The following NEO1 variants were observed in gnomAD, a reference collection of about 807,000 sequenced individuals.
NEO1 encodes neogenin.
In NEO1, 63 loss-of-function variants were observed where a neutral mutation model predicts 159.7. The observed-to-expected ratio is 0.39, with a 90% CI of 0.32 to 0.49. The LOEUF is 0.49. NEO1 is among the 20% of genes least tolerant of loss of function. The pLI is 0.85. For missense variants in NEO1, 1,615 were observed against 1,831.0 expected (o/e 0.88, Z 2.15); for synonymous variants, 633 against 662.0 (o/e 0.96, Z 0.67).
chr15:73,254,755 A>C lies in NEO1; in HGVS notation c.2018A>C (p.Tyr673Ser), dbSNP rs945760268. 6.2e-7 allele frequency: 1 copy of C among 1,614,108 alleles called. No homozygotes were observed. The highest frequency in any genetic ancestry group is 1.7e-4 in the Middle Eastern group (1 of 6,058). ...CAGATTACTGGCTACAAGATTCGCT[A>C]CCGAAAGGCCTCCCGAAAGAGTGAT... ...NGQITGYKIR[Y>S]RKASRKSDVT... Residue 673 changes from tyrosine to serine, a missense_variant, in exon 13 of 29, where the codon TAC becomes TCC. By Grantham distance (144) the Tyr-to-Ser change is moderately radical (BLOSUM62 -2). Coordinates refer to ENST00000261908, the MANE Select transcript of NEO1 (RefSeq NM_002499.4).
intron 7 of NEO1, among the ~76,000 whole-genome samples, chr15:73,217,859 A>T (rs2037990012): frequency 6.6e-6 from 1 of 152,220 alleles, no homozygotes; most frequent in African/African-American, 2.4e-5. Flanking sequence ...ATATACAATC[A>T]TGTCATCTGC....
chr15:73,073,015 G>A (rs139188739), intron 1 of NEO1, among the ~76,000 whole-genome samples: 136 of 152,182 alleles, frequency 8.9e-4, no homozygotes, highest in African/African-American at 3.1e-3. Context: ...GTTTAATTTT[G>A]GACATTATGA....
chr15:73,270,076 T>C lies in NEO1; in HGVS notation c.2561T>C (p.Met854Thr). Residue 854 changes from methionine to threonine, a missense_variant, in exon 17 of 29, where the codon ATG becomes ACG. Coordinates refer to ENST00000261908, the MANE Select transcript of NEO1 (RefSeq NM_002499.4). Reference protein sequence around the residue: ...PYTPVPDPTPMMPPVGVQASI... With the variant: ...PYTPVPDPTPTMPPVGVQASI... ...ACTCCAGTGCCAGATCCCACTCCCA[T>C]GATGCCACCAGTGGGAGTTCAGGCT... The C allele has an allele frequency of 6.2e-7, 1 of 1,614,142 alleles. No individual in the cohort carries two copies. Among genetic ancestry groups the C allele is most frequent in the Non-Finnish European group, 8.5e-7 (1 of 1,179,982 alleles).
At chr15:73,083,863 C>T (rs1413794677) in intron 1 of NEO1, among the ~76,000 whole-genome samples, 1 of 152,064 alleles carries the variant, frequency 6.6e-6, no homozygotes, top group Admixed American at 6.6e-5. Context: ...TTTAATCCTC[C>T]CAACAAGTAT....
chr15:73,145,124 G>T (rs539869591), intron 5 of NEO1, among the ~76,000 whole-genome samples: 27 of 152,250 alleles, frequency 1.8e-4, no homozygotes, highest in Admixed American at 9.8e-4. Flanking sequence ...ATAAGAACAA[G>T]ATTAATATCT....
chr15:73,073,489 T>G (rs1182327633), intron 1 of NEO1, among the ~76,000 whole-genome samples: 1 of 152,008 alleles, frequency 6.6e-6, no homozygotes, highest in African/African-American at 2.4e-5. Flanking sequence ...TATTTAAAAA[T>G]GGAAGGCTCT....
At chr15:73,055,099 A>G (rs951681695) in intron 1 of NEO1, among the ~76,000 whole-genome samples, 4 of 152,196 alleles carry the variant, frequency 2.6e-5, no homozygotes, top group Non-Finnish European at 4.4e-5. Flanking sequence ...GGTGATAGAA[A>G]ATGGTCAGCA....
At chr15:73,159,913 C>T (rs2034050002) in intron 5 of NEO1, among the ~76,000 whole-genome samples, 1 of 152,172 alleles carries the variant, frequency 6.6e-6, no homozygotes, top group Non-Finnish European at 1.5e-5. Context: ...GCCCGTTTCT[C>T]ATACTCTTGT....
chr15:73,069,643 G>A (rs887529820), intron 1 of NEO1, among the ~76,000 whole-genome samples: 1 of 151,320 alleles, frequency 6.6e-6, no homozygotes, highest in African/African-American at 2.4e-5. Flanking sequence ...AAGGGTTTAT[G>A]GTTTATATAT....
intron 22 of NEO1, among the ~76,000 whole-genome samples, chr15:73,280,368 C>G (rs761874943): frequency 1.3e-5 from 2 of 152,082 alleles, no homozygotes; most frequent in Admixed American, 6.6e-5. Flanking sequence ...TAGGACTGTT[C>G]TTTGGCAGCT....
At chr15:73,278,308 G>C (rs982087029) in intron 22 of NEO1, 109 bp downstream of exon 22, 1 of 892,714 alleles carries the variant, frequency 1.1e-6, no homozygotes, top group South Asian at 1.9e-5. Flanking sequence ...TAGCATATTA[G>C]CCTGTTTTCT....
chr15:73,288,397 C>T lies in NEO1; in HGVS notation c.3495C>T (p.Ile1165=). The T allele has an allele frequency of 1.2e-6, 2 of 1,614,128 alleles. No homozygotes were observed. Among genetic ancestry groups the T allele is most frequent in the Non-Finnish European group, 1.7e-6 (2 of 1,180,014 alleles). Residue 1165 remains isoleucine, a synonymous_variant, in exon 24 of 29, where the codon ATC becomes ATT. Coordinates refer to ENST00000261908, the MANE Select transcript of NEO1 (RefSeq NM_002499.4). ...SKDVKPPDLW[I]HHERLELKPI... is the part of the protein sequence containing the mutation. ...ATGTGAAACCTCCAGATCTCTGGAT[C>T]CATCATGAGAGACTGGAGCTGAAAC... is the stretch of plus-strand genomic sequence containing the variant.
intron 11 of NEO1, among the ~76,000 whole-genome samples, chr15:73,252,155 T>C (rs751310812): frequency 1.8e-4 from 28 of 152,238 alleles, no homozygotes; most frequent in Non-Finnish European, 3.2e-4. Context: ...ACACATTCTC[T>C]TGTCTTCCAG....
At position 73,075,719 on chromosome 15, in the gene NEO1, C is replaced by A. The variant is rs548279311; in HGVS notation, c.130+22914C>A. The stretch of plus-strand genomic sequence containing the variant: ...CCACGTCACCAACTAGGGAATTCTG[C>A]CCAATCAGTTGAGCCAAATAGTGCT... On this transcript the variant is annotated intron_variant, in intron 1 of 28. Coordinates refer to ENST00000261908, the MANE Select transcript of NEO1 (RefSeq NM_002499.4). 1.2e-4 allele frequency among the ~76,000 whole-genome samples: 19 copies of A among 152,218 alleles called. No homozygotes were observed. The South Asian group carries it at 3.7e-3, about 30-fold the overall frequency.
intron 1 of NEO1, among the ~76,000 whole-genome samples, chr15:73,106,010 A>G (rs2070672043): frequency 6.6e-6 from 1 of 152,180 alleles, no homozygotes; most frequent in South Asian, 2.1e-4. Context: ...TGAATCAGTT[A>G]TTACTGAACT....
chr15:73,173,217 G>A (rs979627777), intron 5 of NEO1, among the ~76,000 whole-genome samples: 2 of 152,142 alleles, frequency 1.3e-5, no homozygotes, highest in African/African-American at 4.8e-5. Context: ...AGAAGGAACA[G>A]ACAAACTTAA....
At chr15:73,180,512 T>A (rs927880023) in intron 7 of NEO1, among the ~76,000 whole-genome samples, 4 of 152,202 alleles carry the variant, frequency 2.6e-5, no homozygotes, top group Admixed American at 1.3e-4. Flanking sequence ...TTATTTCTTT[T>A]TACTTGTGGC....
intron 2 of NEO1, among the ~76,000 whole-genome samples, chr15:73,117,159 T>A (rs1596036604): frequency 6.6e-6 from 1 of 152,248 alleles, no homozygotes; most frequent in South Asian, 2.1e-4. Flanking sequence ...ATAGGAAAAT[T>A]AAATCACTTT....
intron 7 of NEO1, among the ~76,000 whole-genome samples, chr15:73,227,885 G>A (rs754140489): frequency 1.3e-5 from 2 of 152,184 alleles, no homozygotes; most frequent in Non-Finnish European, 2.9e-5. Context: ...GGACCAGTCT[G>A]GAGGACTTTG....
Sources: allele counts gnomAD v4.1 joint callset (sites outside exome capture counted in the v4.1 genomes callset), GRCh38; gene constraint gnomAD v4.1.1; transcripts MANE v1.5; gene names NCBI Gene and HGNC (gene_info 2026-07-23, HGNC 2026-07-21).